RALYL: variants seen among roughly 807,000 people sequenced by gnomAD.
The protein encoded by RALYL is RALY RNA binding protein like.
RALYL carries 29 observed loss-of-function variants against 35.1 expected under a neutral mutation model. The ratio of observed to expected loss-of-function variants is 0.83; its 90% CI spans 0.61 to 1.13. The LOEUF (loss-of-function observed/expected upper bound fraction) is 1.13. Ranked by LOEUF, RALYL falls within the 50% of genes most tolerant of loss-of-function variation. The pLI is 0.00. For missense variants in RALYL, 359 were observed against 360.4 expected (o/e 1.00, Z 0.03); for synonymous variants, 120 against 127.6 (o/e 0.94, Z 0.40).
chr8:84,888,722 T>C (rs1326370330), intron 8 of RALYL, among the ~76,000 whole-genome samples: 1 of 152,162 alleles, frequency 6.6e-6, no homozygotes, highest in African/African-American at 2.4e-5. Flanking sequence ...TTAAAATTTA[T>C]GGCACCTTTA....
At chr8:84,837,990 C>T (rs774006823) in intron 4 of RALYL, among the ~76,000 whole-genome samples, 7 of 151,972 alleles carry the variant, frequency 4.6e-5, no homozygotes, top group Non-Finnish European at 7.4e-5. Context: ...TTTTGAGTTA[C>T]CTAAGAACCA....
intron 1 of RALYL, among the ~76,000 whole-genome samples, chr8:84,350,139 G>A (rs1165395600): frequency 6.7e-6 from 1 of 150,356 alleles, no homozygotes; most frequent in African/African-American, 2.5e-5. Context: ...AATATATTCA[G>A]GTACCAAATG....
chr8:84,842,826 A>G (rs1295551487), intron 4 of RALYL, among the ~76,000 whole-genome samples: 1 of 152,172 alleles, frequency 6.6e-6, no homozygotes, highest in Non-Finnish European at 1.5e-5. Context: ...AAGCAAATCA[A>G]TAAACGTTAT....
At chr8:84,559,806 C>G (rs2061363547) in intron 2 of RALYL, among the ~76,000 whole-genome samples, 1 of 151,782 alleles carries the variant, frequency 6.6e-6, no homozygotes, top group African/African-American at 2.4e-5. Context: ...TAGATAAAAT[C>G]AGGTCAGAGT....
intron 1 of RALYL, chr8:84,185,014 A>T (rs766649516): frequency 1.9e-6 from 3 of 1,613,972 alleles, no homozygotes; most frequent in Non-Finnish European, 2.5e-6. Flanking sequence ...TAAACGACGC[A>T]GTAGGTCCTA....
At chr8:84,845,740 A>C (rs1384868312) in intron 4 of RALYL, among the ~76,000 whole-genome samples, 1 of 151,980 alleles carries the variant, frequency 6.6e-6, no homozygotes, top group South Asian at 2.1e-4. Flanking sequence ...CAAAAAGGGG[A>C]TTTCCTAGGT....
In RALYL at chr8:84,479,085, C is replaced by CAAAAAAAA. The variant is rs56799862; in HGVS notation, c.-23-50183_-23-50176dup. ...TAGGTGACAGAGCAAGACTCCGTCT[C>CAAAAAAAA]AAAAAAAAAAAAAAAAAAAAAAAAA... On this transcript the variant is annotated intron_variant, in intron 1 of 8. Transcript: ENST00000521268. Among the ~76,000 whole-genome samples, 27 of 21,828 alleles carry CAAAAAAAA rather than the reference C, an allele frequency of 1.2e-3. 8 individuals carry two copies. Among genetic ancestry groups the CAAAAAAAA allele is most frequent in the East Asian group, 3.0e-3 (1 of 334 alleles). The allele number at this position is 21,828 out of a possible 152,430, so 14.3% of individuals were successfully genotyped here. A position where few individuals can be genotyped will look rare whatever the true frequency, so the allele number is the denominator to read the frequency against.
chr8:84,319,531 A>G (rs969967303), intron 1 of RALYL, among the ~76,000 whole-genome samples: 1 of 152,100 alleles, frequency 6.6e-6, no homozygotes, highest in Non-Finnish European at 1.5e-5. Context: ...AGACAGAGGA[A>G]GGCTTCTTTA....
intron 2 of RALYL, among the ~76,000 whole-genome samples, chr8:84,732,481 C>T (rs1316002158): frequency 6.6e-6 from 1 of 151,666 alleles, no homozygotes; most frequent in Non-Finnish European, 1.5e-5. Context: ...AAATAATTAG[C>T]TATTATTCAA....
intron 2 of RALYL, among the ~76,000 whole-genome samples, chr8:84,675,405 T>C (rs115951035): frequency 0.014 from 2,181 of 152,236 alleles, 61 homozygotes; most frequent in African/African-American, 0.049. Flanking sequence ...GGCTTACAAA[T>C]GGCTCCTTAA....
chr8:84,331,293 C>A (rs550335917), intron 1 of RALYL, among the ~76,000 whole-genome samples: 1 of 151,980 alleles, frequency 6.6e-6, no homozygotes, highest in South Asian at 2.1e-4. Context: ...TCTTTACTAT[C>A]AAGGCAATAT....
intron 1 of RALYL, among the ~76,000 whole-genome samples, chr8:84,277,430 A>G (rs142198505): frequency 0.031 from 4,666 of 152,234 alleles, 108 homozygotes; most frequent in East Asian, 0.12. Context: ...GTGGGGACAC[A>G]GCCAAACCAT....
chr8:84,191,664 T>C (rs1451684638), intron 1 of RALYL, among the ~76,000 whole-genome samples: 2 of 152,184 alleles, frequency 1.3e-5, no homozygotes, highest in Non-Finnish European at 2.9e-5. Context: ...GGCCTTCCAG[T>C]TGTGCAATTT....
intron 1 of RALYL, among the ~76,000 whole-genome samples, chr8:84,259,123 G>A (rs1831738999): frequency 6.6e-6 from 1 of 152,106 alleles, no homozygotes. Context: ...TAATAGAAAT[G>A]TTCCATCGTT....
chr8:84,184,538 C>T (rs1206196104), intron 1 of RALYL, 114 bp downstream of exon 1: 3 of 167,036 alleles, frequency 1.8e-5, no homozygotes, highest in African/African-American at 2.4e-5. Flanking sequence ...GCGCGCATCT[C>T]CGGGCAGTGT....
intron 1 of RALYL, among the ~76,000 whole-genome samples, chr8:84,326,756 TA>T (rs1315415939): frequency 1.1e-4 from 16 of 152,214 alleles, no homozygotes; most frequent in African/African-American, 3.4e-4. Flanking sequence ...TAAAATGGTT[TA>T]AAAAGACAAC....
At chr8:84,687,937 A>G (rs1295759278) in intron 2 of RALYL, among the ~76,000 whole-genome samples, 7 of 152,048 alleles carry the variant, frequency 4.6e-5, no homozygotes, top group African/African-American at 1.7e-4. Context: ...TTTTTTGGGC[A>G]CTTTACAGAC....
chr8:84,572,882 T>G (rs768486969), intron 2 of RALYL, among the ~76,000 whole-genome samples: 2 of 151,666 alleles, frequency 1.3e-5, no homozygotes, highest in Non-Finnish European at 1.5e-5. Context: ...TTTCCCAATC[T>G]TCTCAATAAT....
intron 1 of RALYL, among the ~76,000 whole-genome samples, chr8:84,294,957 C>T (rs1393931454): frequency 2.0e-5 from 3 of 152,020 alleles, no homozygotes; most frequent in Non-Finnish European, 4.4e-5. Flanking sequence ...CAGTCCTTGA[C>T]CAAGTCCTAA....
Sources: gnomAD v4.1 joint callset for allele counts (sites outside exome capture counted in the v4.1 genomes callset) on GRCh38, gnomAD v4.1.1 for gene constraint, MANE v1.5 for transcripts, NCBI Gene and HGNC (gene_info 2026-07-23, HGNC 2026-07-21) for gene names.